Variants in SLC27A3 observed in about 807,000 individuals in gnomAD.
SLC27A3 encodes long-chain fatty acid transport protein 3.
Under a neutral mutation model 60.1 loss-of-function variants are expected in SLC27A3, and 60 were observed. The ratio of observed to expected loss-of-function variants is 1.00; its 90% CI spans 0.81 to 1.24. The LOEUF is 1.24. SLC27A3 is among the 50% of genes most tolerant of loss of function. The pLI is 0.00. For synonymous variants in SLC27A3, 455 were observed against 409.0 expected (o/e 1.11, Z -1.36); for missense variants, 1,079 against 929.9 (o/e 1.16, Z -2.09).
chr1:153,777,294 C>G, intron 3 of SLC27A3, 74 bp downstream of exon 3: 1 of 1,550,360 alleles, frequency 6.5e-7, no homozygotes, highest in Non-Finnish European at 8.8e-7. Context: ...GGTGTGAGTC[C>G]TCCAGGGTAG....
chr1:153,777,074 C>G lies in SLC27A3; in HGVS notation c.890C>G (p.Ala297Gly). 1 of 1,614,232 alleles carries G rather than the reference C, an allele frequency of 6.2e-7. No homozygotes were observed. Among genetic ancestry groups the G allele is most frequent in the South Asian group, 1.1e-5 (1 of 91,086 alleles). The change falls in exon 3 of 10, where the codon GCT (alanine) becomes GGT (glycine). Residue 297 changes from alanine to glycine, a missense_variant. Transcript: ENST00000624995. The part of the protein sequence containing the change: ...FTSGTTGLPK[A>G]ARISHLKILQ... The stretch of plus-strand genomic sequence containing the variant: ...TGCCACCCCACAGGCCTCCCCAAGG[C>G]TGCTCGGATCAGTCATCTGAAGATC...
At position 153,776,638 on chromosome 1, in the gene SLC27A3, C is replaced by T. The variant is rs763843241; in HGVS notation, c.788C>T (p.Ala263Val). The T allele has an allele frequency of 6.2e-7, 1 of 1,614,082 alleles. No individual in the cohort carries two copies. The highest frequency in any genetic ancestry group is 1.3e-5 in the African/African-American group (1 of 74,910). The part of the protein sequence containing the change: ...GISDLLAEVS[A>V]EVDGPVPGYL... ...AGCGATTTGCTGGCTGAAGTGTCCG[C>T]TGAAGTGGATGGGCCAGTGCCAGGA... Residue 263 changes from alanine (A) to valine (V), a missense_variant, in exon 2 of 10, where the codon GCT (alanine) becomes GTT (valine). Transcript: ENST00000624995.
At position 153,775,463 on chromosome 1, in the gene SLC27A3, G is replaced by A. The variant is rs1673137470; in HGVS notation, c.-35G>A. Reference sequence around the variant, plus strand: ...GGATCAGGGATGTTTGCGAGCGGCTGGAACCAGACGGTGCCGATAGAGGAA... The same window carrying A: ...GGATCAGGGATGTTTGCGAGCGGCTAGAACCAGACGGTGCCGATAGAGGAA... On this transcript the variant is annotated 5_prime_UTR_variant, in exon 1 of 10. An upstream open reading frame in the 5' UTR gains an earlier in-frame stop. Coordinates refer to ENST00000624995, the MANE Select transcript of SLC27A3 (RefSeq NM_024330.4). The A allele has an allele frequency of 6.2e-7, 1 of 1,612,912 alleles. No homozygotes were observed. The highest frequency in any genetic ancestry group is 1.1e-5 in the South Asian group (1 of 91,090).
Position 153,778,200 on chromosome 1 carries a change from G to A in SLC27A3, c.1201G>A (p.Gly401Ser). Residue 401 changes from glycine to serine, a missense_variant, in exon 5 of 10, where the codon GGC becomes AGC. Coordinates refer to ENST00000624995, the MANE Select transcript of SLC27A3 (RefSeq NM_024330.4). The stretch of plus-strand genomic sequence containing the variant: ...TGGCCATAAGGTCCGGCTGGCAGTG[G>A]GCAGCGGGCTGCGCCCAGATACCTG... ...ERGHKVRLAVGSGLRPDTWER... is the reference protein window; with the variant it reads ...ERGHKVRLAVSSGLRPDTWER... The A allele has an allele frequency of 9.9e-6, 16 of 1,612,684 alleles. No individual in the cohort carries two copies. Among genetic ancestry groups the A allele is most frequent in the Non-Finnish European group, 1.4e-5 (16 of 1,179,990 alleles).
rs1673399728 is a variant in SLC27A3, at chr1:153,779,222, A to G, written c.1744+11A>G. 1.2e-6 allele frequency: 2 copies of G among 1,613,850 alleles called. No homozygotes were observed. Among genetic ancestry groups the G allele is most frequent in the African/African-American group, 1.3e-5 (1 of 74,892 alleles). On this transcript the variant is annotated intron_variant, in intron 8 of 9. Transcript: ENST00000624995. ...GAGTCACTGTGCCAGGTGCCTAGGC[A>G]TGGAAGGTGGGGGAGGCACCCAGCC...
At chr1:153,778,653 G>A in intron 6 of SLC27A3, 34 bp from the exon 7 acceptor site, 1 of 1,612,186 alleles carries the variant, frequency 6.2e-7, no homozygotes, top group Non-Finnish European at 8.5e-7. Flanking sequence ...TCTGGGAAAG[G>A]TGACACCACT....
rs375994470 is a variant in SLC27A3 at position 153,778,230 on chromosome 1, C to T, written c.1231C>T (p.Arg411Cys). ...CGGGCTGCGCCCAGATACCTGGGAG[C>T]GTTTTGTGCGGCGCTTCGGGCCCCT... ...GSGLRPDTWE[R>C]FVRRFGPLQV... The change falls in exon 5 of 10, where the codon CGT becomes TGT. Residue 411 changes from arginine (R) to cysteine (C), a missense_variant. Transcript: ENST00000624995. 286 of 1,613,744 alleles carry T rather than the reference C, an allele frequency of 1.8e-4. No homozygotes were observed. Among genetic ancestry groups the T allele is most frequent in the African/African-American group, 9.6e-4 (72 of 75,058 alleles).
At chr1:153,779,496 G>T (rs191967262) in intron 9 of SLC27A3, 23 bp downstream of exon 9, 29 of 1,604,146 alleles carry the variant, frequency 1.8e-5, no homozygotes, top group Non-Finnish European at 2.0e-5. Flanking sequence ...TTCCCCCGCC[G>T]GCCCCTCACC....
intron 2 of SLC27A3, 138 bp downstream of exon 2, chr1:153,776,865 C>T: frequency 3.3e-6 from 3 of 922,252 alleles, no homozygotes; most frequent in Non-Finnish European, 5.0e-6. Flanking sequence ...CATCATTTCA[C>T]TCCCCAGTCT....
In SLC27A3 at chr1:153,776,695, C is replaced by T. The variant is rs1156688706; in HGVS notation, c.845C>T (p.Thr282Met). Reference sequence around the variant, plus strand: ...TCTTCCCCCCAGAGCATAACAGACACGTGCCTGTACATCTTCACCTCTGGC... The same window carrying T: ...TCTTCCCCCCAGAGCATAACAGACATGTGCCTGTACATCTTCACCTCTGGC... Reference protein sequence around the residue: ...YLSSPQSITDTCLYIFTSGTT... With the variant: ...YLSSPQSITDMCLYIFTSGTT... The change falls in exon 2 of 10, where the codon ACG (threonine) becomes ATG (methionine). Residue 282 changes from threonine (T) to methionine (M), a missense_variant. Transcript: ENST00000624995. 6.2e-7 allele frequency: 1 copy of T among 1,614,160 alleles called. No individual in the cohort carries two copies. The highest frequency in any genetic ancestry group is 8.5e-7 in the Non-Finnish European group (1 of 1,180,018).
Position 153,779,849 on chromosome 1 carries a change from C to T in SLC27A3, c.1899C>T (p.Thr633=), listed in dbSNP as rs780745016. Residue 633 remains threonine, a synonymous_variant, in exon 10 of 10, where the codon ACC becomes ACT. Coordinates refer to ENST00000624995, the MANE Select transcript of SLC27A3 (RefSeq NM_024330.4). ...AGGAGTCTTTGGCCACCACAGAGAC[C>T]TTCAAACAGCAGAAAGTTCGGATGG... The part of the protein sequence containing the change: ...RLQESLATTE[T]FKQQKVRMAN... 7.4e-6 allele frequency: 12 copies of T among 1,613,982 alleles called. No individual in the cohort carries two copies. The African/African-American group carries it at 9.3e-5, about 13-fold the overall frequency.
chr1:153,775,612 G>A lies in SLC27A3; in HGVS notation c.115G>A (p.Ala39Thr), dbSNP rs1361033995. The A allele has an allele frequency of 6.3e-7, 1 of 1,583,920 alleles. No individual in the cohort carries two copies. Among genetic ancestry groups the A allele is most frequent in the Non-Finnish European group, 8.6e-7 (1 of 1,167,630 alleles). The change falls in exon 1 of 10, where the codon GCT becomes ACT. Residue 39 changes from alanine to threonine, a missense_variant. Coordinates refer to ENST00000624995, the MANE Select transcript of SLC27A3 (RefSeq NM_024330.4). ...LPADLAFAVR[A>T]LCCKRALRAR... ...GGCGGACTTGGCCTTTGCGGTGCGA[G>A]CTCTGTGCTGCAAAAGGGCTCTTCG...
Position 153,775,660 on chromosome 1 carries a change from G to A in SLC27A3, c.163G>A (p.Ala55Thr). 10 of 1,530,644 alleles carry A rather than the reference G, an allele frequency of 6.5e-6. No individual in the cohort carries two copies. The highest frequency in any genetic ancestry group is 1.2e-5 in the South Asian group (1 of 81,880). 94.8% of individuals were successfully genotyped at this position (1,530,644 alleles called of 1,614,324 possible). Residue 55 changes from alanine to threonine, a missense_variant, in exon 1 of 10, where the codon GCC (alanine) becomes ACC (threonine). Physicochemically the swap from Ala to Thr is moderately conservative, Grantham distance 58. Transcript: ENST00000624995. ...ALRARALAAA[A>T]ADPEGPEGGC... ...TCGAGCTCGCGCCCTGGCCGCGGCT[G>A]CCGCCGACCCGGAAGGTCCCGAGGG...
chr1:153,777,288 T>C, intron 3 of SLC27A3, 68 bp downstream of exon 3: 1 of 1,569,900 alleles, frequency 6.4e-7, no homozygotes. Flanking sequence ...TACTATGGTG[T>C]GAGTCCTCCA....
At chr1:153,779,317 C>G in intron 8 of SLC27A3, 26 bp from the exon 9 acceptor site, 1 of 1,613,362 alleles carries the variant, frequency 6.2e-7, no homozygotes, top group East Asian at 2.2e-5. Flanking sequence ...CATGGAGGGG[C>G]TTACTCTGTC....
At chr1:153,778,967 C>A in intron 7 of SLC27A3, 82 bp downstream of exon 7, 2 of 1,483,412 alleles carry the variant, frequency 1.3e-6, no homozygotes, top group Non-Finnish European at 1.9e-6. Flanking sequence ...CTCTAATCTG[C>A]CACCTCAACC....
At position 153,777,833 on chromosome 1, in the gene SLC27A3, C is replaced by G; in HGVS notation, c.1109C>G (p.Thr370Arg). The change falls in exon 4 of 10, where the codon ACG becomes AGG. Residue 370 changes from threonine (T) to arginine (R), a missense_variant. Physicochemically the swap from Thr to Arg is moderately conservative, Grantham distance 71. Coordinates refer to ENST00000624995, the MANE Select transcript of SLC27A3 (RefSeq NM_024330.4). ...FWEDCQQHRV[T>R]VFQYIGELCR... ...GAAGATTGCCAGCAGCACAGGGTGA[C>G]GGTGTTCCAGTACATTGGGGAGCTG... 1 of 1,614,232 alleles carries G rather than the reference C, an allele frequency of 6.2e-7. No individual in the cohort carries two copies. The highest frequency in any genetic ancestry group is 1.1e-5 in the South Asian group (1 of 91,088).
Position 153,775,659 on chromosome 1 carries a change from T to C in SLC27A3, c.162T>C (p.Ala54=). The change falls in exon 1 of 10, where the codon GCT becomes GCC. Residue 54 remains alanine, a synonymous_variant. Coordinates refer to ENST00000624995, the MANE Select transcript of SLC27A3 (RefSeq NM_024330.4). ...TTCGAGCTCGCGCCCTGGCCGCGGC[T>C]GCCGCCGACCCGGAAGGTCCCGAGG... is the stretch of plus-strand genomic sequence containing the variant. ...RALRARALAA[A]AADPEGPEGG... 1 of 1,530,990 alleles carries C rather than the reference T, an allele frequency of 6.5e-7. No individual in the cohort carries two copies. The highest frequency in any genetic ancestry group is 1.4e-5 in the African/African-American group (1 of 73,438). 94.8% of individuals were successfully genotyped at this position (1,530,990 alleles called of 1,614,324 possible).
Position 153,778,294 on chromosome 1 carries a change from T to C in SLC27A3, c.1295T>C (p.Val432Ala). The change falls in exon 5 of 10, where the codon GTG becomes GCG. Residue 432 changes from valine (V) to alanine (A), a missense_variant. Physicochemically the swap from Val to Ala is moderately conservative, Grantham distance 64. Transcript: ENST00000624995. ...ACATATGGACTGACAGAGGGCAACGTGGCCACCATCAACTACACAGGACAG... is the reference window on the plus strand; with the variant it reads ...ACATATGGACTGACAGAGGGCAACGCGGCCACCATCAACTACACAGGACAG... The part of the protein sequence containing the change: ...LETYGLTEGN[V>A]ATINYTGQRG... The C allele has an allele frequency of 1.2e-6, 2 of 1,614,102 alleles. No homozygotes were observed. The highest frequency in any genetic ancestry group is 2.2e-5 in the South Asian group (2 of 91,088).
Sources: gnomAD v4.1 joint callset for allele counts on GRCh38, gnomAD v4.1.1 for gene constraint, MANE v1.5 for transcripts, NCBI Gene and HGNC (gene_info 2026-07-23, HGNC 2026-07-21) for gene names.